The following ANK3 variants were observed in gnomAD, a reference collection of about 807,000 sequenced individuals.
ANK3 encodes ankyrin 3, also known as ankyrin-3.
Under a neutral mutation model 370.9 loss-of-function variants are expected in ANK3, and 57 were observed. That is an observed-to-expected ratio of 0.15 (90% CI 0.12 to 0.19). The LOEUF is 0.19. Ranked by LOEUF, ANK3 falls within the 10% of genes least tolerant of loss-of-function variation. The pLI is 1.00. For synonymous variants in ANK3, 1,929 were observed against 1,946.3 expected (o/e 0.99, Z 0.23); for missense variants, 4,439 against 5,302.1 (o/e 0.84, Z 5.06).
intron 2 of ANK3, among the ~76,000 whole-genome samples, chr10:60,538,768 A>G (rs1445120130): frequency 6.6e-6 from 1 of 151,994 alleles, no homozygotes; most frequent in East Asian, 1.9e-4. Context: ...GTAAATATAT[A>G]TTTACTACTG....
At chr10:60,293,594 T>G (rs1468088509) in intron 1 of ANK3, among the ~76,000 whole-genome samples, 1 of 152,112 alleles carries the variant, frequency 6.6e-6, no homozygotes, top group Non-Finnish European at 1.5e-5. Context: ...TTAATGTTCT[T>G]CCTACCACCT....
chr10:60,514,886 CAT>C (rs1290366172), intron 2 of ANK3, among the ~76,000 whole-genome samples: 1 of 152,114 alleles, frequency 6.6e-6, no homozygotes, highest in Non-Finnish European at 1.5e-5. Flanking sequence ...CTGTTTCTCT[CAT>C]ATTTCATATA....
At chr10:60,523,222 A>G (rs949762243) in intron 2 of ANK3, among the ~76,000 whole-genome samples, 2 of 151,880 alleles carry the variant, frequency 1.3e-5, no homozygotes, top group Non-Finnish European at 1.5e-5. Context: ...AGAGATACAC[A>G]TTTTTCTTTA....
intron 8 of ANK3, among the ~76,000 whole-genome samples, chr10:60,224,879 T>C (rs2097113743): frequency 6.6e-6 from 1 of 151,872 alleles, no homozygotes; most frequent in Non-Finnish European, 1.5e-5. Context: ...GTCTAATAGC[T>C]AAGCTCTTTT....
chr10:60,688,600 A>C (rs556551202), intron 1 of ANK3, among the ~76,000 whole-genome samples: 1 of 152,210 alleles, frequency 6.6e-6, no homozygotes, highest in Non-Finnish European at 1.5e-5. Flanking sequence ...AATATAAATG[A>C]GGAAAGCAAA....
chr10:60,223,662 T>C (rs1475765539), intron 8 of ANK3, among the ~76,000 whole-genome samples: 1 of 150,608 alleles, frequency 6.6e-6, no homozygotes, highest in Non-Finnish European at 1.5e-5. Flanking sequence ...CTTGTTATCC[T>C]TTTTGTTTAA....
At chr10:60,415,074 G>T (rs1022433571) in intron 2 of ANK3, among the ~76,000 whole-genome samples, 2 of 152,130 alleles carry the variant, frequency 1.3e-5, no homozygotes, top group Non-Finnish European at 2.9e-5. Flanking sequence ...ATTGAAGGGA[G>T]GCAGCAGGAG....
At chr10:60,591,303 T>TTTTTATTTTATTTA (rs140837942) in intron 2 of ANK3, among the ~76,000 whole-genome samples, 1 of 137,562 alleles carries the variant, frequency 7.3e-6, no homozygotes, top group African/African-American at 2.7e-5. Context: ...TTTATTTTTA[T>TTTTTATTTTATTTA]TTTATTTATT....
intron 43 of ANK3, among the ~76,000 whole-genome samples, chr10:60,035,496 A>C (rs1169964931): frequency 6.6e-6 from 1 of 151,536 alleles, no homozygotes; most frequent in Non-Finnish European, 1.5e-5. Flanking sequence ...CAGGTGATCC[A>C]CCTGCCTTGG....
chr10:60,492,839 G>A (rs1343960313), intron 2 of ANK3, among the ~76,000 whole-genome samples: 1 of 151,578 alleles, frequency 6.6e-6, no homozygotes, highest in East Asian at 1.9e-4. Context: ...CACTTTGGGA[G>A]GCCGAGACAG....
At chr10:60,713,617 G>T (rs910459359) in intron 1 of ANK3, among the ~76,000 whole-genome samples, 5 of 152,110 alleles carry the variant, frequency 3.3e-5, no homozygotes, top group African/African-American at 1.2e-4. Context: ...CAGGCTGGGT[G>T]CAGTGCTCAT....
intron 2 of ANK3, among the ~76,000 whole-genome samples, chr10:60,395,892 G>A (rs898305862): frequency 3.9e-5 from 6 of 152,226 alleles, no homozygotes; most frequent in East Asian, 1.9e-4. Context: ...ATGGGGTAAC[G>A]TAAAACAGAA....
chr10:60,424,705 G>T (rs1211044576), intron 2 of ANK3, among the ~76,000 whole-genome samples: 1 of 152,078 alleles, frequency 6.6e-6, no homozygotes, highest in Non-Finnish European at 1.5e-5. Context: ...CCTTGGGAAA[G>T]ATAGTGAGTT....
chr10:60,164,524 A>G (rs1295118194), intron 23 of ANK3, among the ~76,000 whole-genome samples: 1 of 152,094 alleles, frequency 6.6e-6, no homozygotes, highest in Non-Finnish European at 1.5e-5. Flanking sequence ...GAAATAGAAA[A>G]AGCATTTTTA....
intron 1 of ANK3, among the ~76,000 whole-genome samples, chr10:60,362,449 A>C (rs184900575): frequency 2.0e-5 from 3 of 152,250 alleles, no homozygotes; most frequent in Non-Finnish European, 4.4e-5. Flanking sequence ...TCAAGAGACT[A>C]AATGGCTATC....
At chr10:60,379,489 G>A (rs1435871999) in intron 1 of ANK3, among the ~76,000 whole-genome samples, 1 of 151,700 alleles carries the variant, frequency 6.6e-6, no homozygotes, top group East Asian at 1.9e-4. Context: ...ACAGATGAAT[G>A]GATAAAGAAA....
intron 2 of ANK3, among the ~76,000 whole-genome samples, chr10:60,474,272 C>A (rs981008005): frequency 4.3e-4 from 65 of 152,028 alleles, no homozygotes; most frequent in African/African-American, 1.5e-3. Context: ...GACAGGAATA[C>A]TACTTACAGA....
intron 1 of ANK3, among the ~76,000 whole-genome samples, chr10:60,629,997 TC>T (rs2078460918): frequency 6.6e-6 from 1 of 152,220 alleles, no homozygotes; most frequent in Non-Finnish European, 1.5e-5. Context: ...TAGTTCCTAT[TC>T]TTTTCAAGAG....
Position 60,076,562 on chromosome 10 carries a change from A to G in ANK3, c.4433-114T>C, listed in dbSNP as rs2083874009. On this transcript the variant is annotated intron_variant, in intron 36 of 43. Transcript: ENST00000280772. ...TAAACTTTGAAATATTACAAAAGCA[A>G]GTACAATTGTTTGCATGATTTAGAA... 19 of 1,345,564 alleles carry G rather than the reference A, an allele frequency of 1.4e-5. No individual in the cohort carries two copies. The South Asian group carries it at 2.9e-4, about 20-fold the overall frequency. 83.4% of individuals were successfully genotyped at this position (1,345,564 alleles called of 1,614,324 possible). A position where few individuals can be genotyped will look rare whatever the true frequency, so the allele number is the denominator to read the frequency against.
Sources: gnomAD v4.1 joint callset for allele counts (sites outside exome capture counted in the v4.1 genomes callset) on GRCh38, gnomAD v4.1.1 for gene constraint, MANE v1.5 for transcripts, NCBI Gene and HGNC (gene_info 2026-07-23, HGNC 2026-07-21) for gene names.